The following STIM2 variants were observed in gnomAD, a reference collection of about 807,000 sequenced individuals.
STIM2 encodes stromal interaction molecule 2.
In STIM2, 31 loss-of-function variants were observed where a neutral mutation model predicts 85.8. The observed-to-expected ratio is 0.36, with a 90% CI of 0.27 to 0.49. The LOEUF is 0.49. Ranked by LOEUF, STIM2 falls within the 20% of genes least tolerant of loss-of-function variation. The probability of loss-of-function intolerance (pLI) is 0.98; values close to 1 mark genes in which losing one functional copy is unlikely to be tolerated. For missense variants in STIM2, 841 were observed against 927.6 expected, an observed-to-expected ratio of 0.91 and a Z score of 1.21; for synonymous variants, 356 against 331.1, an observed-to-expected ratio of 1.08 and a Z score of -0.82.
At position 26,932,363 on chromosome 4, in the gene STIM2, TTTTG is replaced by T. The variant is rs138172913; in HGVS notation, c.282+12734_282+12737del. Among the ~76,000 whole-genome samples, 600 of 152,288 alleles carry T rather than the reference TTTTG, an allele frequency of 3.9e-3. 5 individuals are homozygous for T. The highest frequency in any genetic ancestry group is 0.014 in the African/African-American group (568 of 41,560). On this transcript the variant is annotated intron_variant, in intron 2 of 11. Transcript: ENST00000467087. ...GGCATAATGTAAGTGGTCAGTCGGTTTTTGTTTGAGTTTTTTTTCCTGAAAATTG... is the reference window on the plus strand; with the variant it reads ...GGCATAATGTAAGTGGTCAGTCGGTTTTTGAGTTTTTTTTCCTGAAAATTG...
At chr4:26,928,771 T>C (rs1444169072) in intron 2 of STIM2, among the ~76,000 whole-genome samples, 2 of 152,208 alleles carry the variant, frequency 1.3e-5, no homozygotes, top group Non-Finnish European at 2.9e-5. Context: ...TCTTATTGAG[T>C]CTTTTAAATT....
At chr4:26,861,932 G>A (rs1722222717) in intron 1 of STIM2, among the ~76,000 whole-genome samples, 2 of 152,148 alleles carry the variant, frequency 1.3e-5, no homozygotes, top group Admixed American at 6.5e-5. Context: ...TAAGTTTACA[G>A]TGCATTTTTT....
At chr4:27,000,415 A>G (rs988459276) in intron 5 of STIM2, among the ~76,000 whole-genome samples, 2 of 152,150 alleles carry the variant, frequency 1.3e-5, no homozygotes, top group African/African-American at 4.8e-5. Context: ...GCCCTTTCCA[A>G]CCTTTTCCTT....
At chr4:27,019,459 G>A (rs1031624730) in intron 11 of STIM2, 16 of 1,289,602 alleles carry the variant, frequency 1.2e-5, no homozygotes, top group African/African-American at 1.5e-5. Context: ...TGTGGTTTCT[G>A]GAAATCAGAA....
chr4:27,022,478 T>G lies in STIM2; in HGVS notation c.1764-41T>G, dbSNP rs761415506. The G allele has an allele frequency of 4.7e-6, 7 of 1,496,202 alleles. No individual in the cohort carries two copies. The Admixed American group carries it at 1.4e-4, about 29-fold the overall frequency. 92.7% of individuals were successfully genotyped at this position (1,496,202 alleles called of 1,614,324 possible). ...ATGTCTGCTAGTACTCTTAAGAACA[T>G]ACTGATTTAAAATTTGTACCTTTGT... On this transcript the variant is annotated intron_variant, in intron 11 of 11. Coordinates refer to ENST00000467087, the MANE Select transcript of STIM2 (RefSeq NM_020860.4).
At chr4:26,880,500 G>C (rs1412288035) in intron 1 of STIM2, among the ~76,000 whole-genome samples, 1 of 151,366 alleles carries the variant, frequency 6.6e-6, no homozygotes, top group Non-Finnish European at 1.5e-5. Flanking sequence ...TTGGGCCCTT[G>C]TACTCATGTA....
chr4:27,020,051 C>T (rs1169637428), intron 11 of STIM2, among the ~76,000 whole-genome samples: 1 of 152,118 alleles, frequency 6.6e-6, no homozygotes, highest in Admixed American at 6.5e-5. Context: ...AAATTGAGAC[C>T]TCAAGAGATC....
intron 10 of STIM2, among the ~76,000 whole-genome samples, chr4:27,010,096 A>G (rs1728509571): frequency 6.6e-6 from 1 of 152,238 alleles, no homozygotes; most frequent in East Asian, 1.9e-4. Flanking sequence ...GAATACAGGC[A>G]AATTTAAACT....
intron 3 of STIM2, among the ~76,000 whole-genome samples, chr4:26,967,881 G>C (rs1726785872): frequency 6.6e-6 from 1 of 152,072 alleles, no homozygotes; most frequent in African/African-American, 2.4e-5. Flanking sequence ...CTAGTAGCTT[G>C]ACACGAGAAA....
intron 10 of STIM2, among the ~76,000 whole-genome samples, chr4:27,012,560 T>C (rs1047520838): frequency 1.1e-4 from 17 of 152,070 alleles, no homozygotes; most frequent in Admixed American, 9.2e-4. Flanking sequence ...GCCGTTGGAT[T>C]TGGTGTGCTG....
chr4:26,934,971 A>T (rs1725343267), intron 2 of STIM2, among the ~76,000 whole-genome samples: 1 of 152,032 alleles, frequency 6.6e-6, no homozygotes, highest in African/African-American at 2.4e-5. Context: ...AGTTTAGGGA[A>T]AAAAAGCAGA....
intron 3 of STIM2, among the ~76,000 whole-genome samples, chr4:26,992,773 G>A (rs1384445462): frequency 6.6e-6 from 1 of 151,990 alleles, no homozygotes; most frequent in East Asian, 1.9e-4. Flanking sequence ...TGCAAGTCCT[G>A]GTCATGAGAA....
chr4:27,009,633 A>C (rs1728494951), intron 10 of STIM2, among the ~76,000 whole-genome samples: 1 of 152,174 alleles, frequency 6.6e-6, no homozygotes, highest in Non-Finnish European at 1.5e-5. Flanking sequence ...GCGGCACTCA[A>C]CTCTTAAAAG....
chr4:26,999,118 A>T (rs187230270), intron 4 of STIM2, 114 bp from the exon 5 acceptor site: 159 of 362,502 alleles, frequency 4.4e-4, no homozygotes, highest in African/African-American at 3.0e-3. Flanking sequence ...TCCAACAGTG[A>T]TCATCAATAA....
At chr4:26,942,053 G>GATAT (rs146282986) in intron 2 of STIM2, among the ~76,000 whole-genome samples, 2,560 of 152,236 alleles carry the variant, frequency 0.017, 76 homozygotes, top group African/African-American at 0.059. Flanking sequence ...CATACTTGGT[G>GATAT]ATATGTTTAA....
chr4:27,005,952 T>C (rs1472194415), intron 7 of STIM2, among the ~76,000 whole-genome samples: 1 of 152,220 alleles, frequency 6.6e-6, no homozygotes, highest in Non-Finnish European at 1.5e-5. Flanking sequence ...ATTTTAGCTT[T>C]AAAATCTTCT....
At chr4:26,890,681 G>T (rs1393742683) in intron 1 of STIM2, among the ~76,000 whole-genome samples, 1 of 151,758 alleles carries the variant, frequency 6.6e-6, no homozygotes, top group African/African-American at 2.4e-5. Context: ...AAAATTAGCC[G>T]GGCGTAGTGG....
chr4:26,959,797 A>C (rs749855728), intron 3 of STIM2, among the ~76,000 whole-genome samples: 5 of 151,422 alleles, frequency 3.3e-5, no homozygotes, highest in Non-Finnish European at 7.4e-5. Context: ...TTAATCTGAG[A>C]TCTAACCATT....
intron 2 of STIM2, among the ~76,000 whole-genome samples, chr4:26,938,059 A>C (rs1725460149): frequency 6.6e-6 from 1 of 151,984 alleles, no homozygotes; most frequent in South Asian, 2.1e-4. Flanking sequence ...ATAGCTTTTA[A>C]AATTTTTAAA....
Sources: gnomAD v4.1 joint callset for allele counts (sites outside exome capture counted in the v4.1 genomes callset) on GRCh38, gnomAD v4.1.1 for gene constraint, MANE v1.5 for transcripts, NCBI Gene and HGNC (gene_info 2026-07-23, HGNC 2026-07-21) for gene names.